PCDH15: variants seen among roughly 807,000 people sequenced by gnomAD.
PCDH15 encodes the protein protocadherin-15.
In PCDH15, 129 loss-of-function variants were observed where a neutral mutation model predicts 178.5. The ratio of observed to expected loss-of-function variants is 0.72; its 90% confidence interval spans 0.63 to 0.84. The LOEUF is 0.84. PCDH15 is among the 40% of genes least tolerant of loss of function. The pLI is 0.00. For synonymous variants in PCDH15, 800 were observed against 732.0 expected (o/e 1.09, Z -1.50); for missense variants, 2,230 against 2,099.9 (o/e 1.06, Z -1.21).
intron 2 of PCDH15, chr10:54,655,586 A>ACATTC (rs984935458): frequency 2.2e-4 from 34 of 152,194 alleles, no homozygotes; most frequent in African/African-American, 8.0e-4. Flanking sequence ...CATGGCTTTA[A>ACATTC]CAGAGTCTAT....
At chr10:55,339,114 G>A (rs1251221814) in intron 2 of PCDH15, among the ~76,000 whole-genome samples, 2 of 152,090 alleles carry the variant, frequency 1.3e-5, no homozygotes, top group Admixed American at 6.6e-5. Context: ...AATCTATTAT[G>A]TATTTTAAAA....
At chr10:54,708,527 C>T (rs914432715) in intron 1 of PCDH15, among the ~76,000 whole-genome samples, 6 of 152,044 alleles carry the variant, frequency 3.9e-5, no homozygotes, top group Non-Finnish European at 7.4e-5. Context: ...TTACATAGAT[C>T]GGACATTAGA....
chr10:53,878,290 A>AATATATATATATAGACTATATATATTCT (rs200022201), intron 26 of PCDH15, among the ~76,000 whole-genome samples: 4 of 130,680 alleles, frequency 3.1e-5, no homozygotes, highest in African/African-American at 1.2e-4. Flanking sequence ...ACACACTTTG[A>AATATATATATATAGACTATATATATTCT]ATATATATAT....
intron 3 of PCDH15, among the ~76,000 whole-genome samples, chr10:54,857,600 C>G (rs549686370): frequency 6.6e-6 from 1 of 151,230 alleles, no homozygotes; most frequent in South Asian, 2.1e-4. Context: ...CACGTGCCGC[C>G]ATGCCTGGCT....
At chr10:53,924,579 C>G (rs2084322057) in intron 25 of PCDH15, among the ~76,000 whole-genome samples, 1 of 152,252 alleles carries the variant, frequency 6.6e-6, no homozygotes, top group Non-Finnish European at 1.5e-5. Flanking sequence ...CAGCGCCGGA[C>G]TGGCGGGCAG....
chr10:55,208,026 G>A (rs1252748455), intron 1 of PCDH15, among the ~76,000 whole-genome samples: 2 of 152,000 alleles, frequency 1.3e-5, no homozygotes, highest in Non-Finnish European at 2.9e-5. Flanking sequence ...TTTAACTCAT[G>A]GGATTTATTG....
chr10:54,459,094 G>A (rs1388535294), intron 3 of PCDH15, among the ~76,000 whole-genome samples: 3 of 151,784 alleles, frequency 2.0e-5, no homozygotes, highest in Non-Finnish European at 4.4e-5. Context: ...GTATCTACAT[G>A]GTGCTAAAAT....
intron 6 of PCDH15, among the ~76,000 whole-genome samples, chr10:54,338,262 G>C (rs1941569636): frequency 6.6e-6 from 1 of 152,120 alleles, no homozygotes. Flanking sequence ...AGAATATTAT[G>C]AATTTATGGA....
intron 2 of PCDH15, among the ~76,000 whole-genome samples, chr10:55,601,599 T>G (rs922309917): frequency 6.6e-6 from 1 of 152,084 alleles, no homozygotes; most frequent in Non-Finnish European, 1.5e-5. Context: ...ATAGAGGTGA[T>G]AGAGAAATTA....
chr10:54,586,380 G>C (rs2091468356), intron 2 of PCDH15, among the ~76,000 whole-genome samples: 1 of 152,092 alleles, frequency 6.6e-6, no homozygotes, highest in African/African-American at 2.4e-5. Flanking sequence ...AGGTTTATTA[G>C]TCTGGTGGAG....
At chr10:55,308,975 C>T (rs1047629218) in intron 1 of PCDH15, among the ~76,000 whole-genome samples, 1 of 152,112 alleles carries the variant, frequency 6.6e-6, no homozygotes, top group South Asian at 2.1e-4. Context: ...CAAAGCAATA[C>T]AGATGGGACC....
At chr10:54,688,233 A>G (rs1448246108) in intron 1 of PCDH15, among the ~76,000 whole-genome samples, 2 of 152,066 alleles carry the variant, frequency 1.3e-5, no homozygotes, top group Middle Eastern at 3.2e-3. Flanking sequence ...TGAAGTTATA[A>G]AAGTTATGTT....
intron 2 of PCDH15, among the ~76,000 whole-genome samples, chr10:54,557,790 T>C (rs185674963): frequency 7.4e-4 from 112 of 152,258 alleles, no homozygotes; most frequent in African/African-American, 2.2e-3. Context: ...TTTTTAAAAA[T>C]TACAAGACAA....
chr10:54,866,300 C>A (rs986355611), intron 3 of PCDH15, among the ~76,000 whole-genome samples: 1 of 152,116 alleles, frequency 6.6e-6, no homozygotes, highest in Non-Finnish European at 1.5e-5. Context: ...AAAAGTCTAA[C>A]CCTTTTGCTA....
chr10:54,181,361 G>A (rs948971407), intron 13 of PCDH15, among the ~76,000 whole-genome samples: 1 of 152,014 alleles, frequency 6.6e-6, no homozygotes, highest in African/African-American at 2.4e-5. Context: ...CATTTATTAA[G>A]TAGCTACACT....
At chr10:54,554,323 C>A (rs2086933280) in intron 2 of PCDH15, among the ~76,000 whole-genome samples, 1 of 152,058 alleles carries the variant, frequency 6.6e-6, no homozygotes, top group African/African-American at 2.4e-5. Context: ...CATTCTCAGT[C>A]TGAACTAAGA....
chr10:55,538,601 CCTTT>C (rs1208434692), intron 2 of PCDH15, among the ~76,000 whole-genome samples: 1 of 67,542 alleles, frequency 1.5e-5, no homozygotes, highest in Non-Finnish European at 2.7e-5. Flanking sequence ...TTCCTTCCTT[CCTTT>C]CCTTCCTTCC....
chr10:54,072,292 T>C (rs2094259637), intron 17 of PCDH15, among the ~76,000 whole-genome samples: 3 of 152,276 alleles, frequency 2.0e-5, no homozygotes, highest in African/African-American at 4.8e-5. Context: ...TAGAGAATAT[T>C]AATTTAAAAC....
chr10:55,121,845 C>G (rs1564815753), intron 2 of PCDH15, among the ~76,000 whole-genome samples: 1 of 151,982 alleles, frequency 6.6e-6, no homozygotes, highest in African/African-American at 2.4e-5. Flanking sequence ...AGAGAGCCAG[C>G]CTTCAGCAGA....
Sources: allele counts gnomAD v4.1 joint callset (sites outside exome capture counted in the v4.1 genomes callset), GRCh38; gene constraint gnomAD v4.1.1; transcripts MANE v1.5; gene names NCBI Gene and HGNC (gene_info 2026-07-23, HGNC 2026-07-21).